Variants in SMTN observed in about 807,000 individuals in gnomAD.
The protein encoded by SMTN is smoothelin.
In SMTN, 58 loss-of-function variants were observed where a neutral mutation model predicts 102.0. The ratio of observed to expected loss-of-function variants is 0.57; its 90% CI spans 0.46 to 0.71. The LOEUF is 0.71. SMTN is among the 30% of genes least tolerant of loss of function. SMTN has a pLI of 0.00. For missense variants in SMTN, 1,185 were observed against 1,241.7 expected (o/e 0.95, Z 0.69); for synonymous variants, 478 against 497.9 (o/e 0.96, Z 0.53).
In SMTN at chr22:31,088,940, C is replaced by T. The variant is rs764986648; in HGVS notation, c.442C>T (p.Leu148=). The change falls in exon 6 of 21, where the codon CTA becomes TTA. Residue 148 remains leucine (L), a synonymous_variant. Coordinates refer to ENST00000333137, the MANE Select transcript of SMTN (RefSeq NM_134269.3). The part of the protein sequence containing the change: ...NSGSREDSKG[L]AAHRLEQCEV... ...TGGCTCAAGAGAGGACAGCAAGGGGCTAGCGGCACACAGGCTGGAACAGTG... is the reference window on the plus strand; with the variant it reads ...TGGCTCAAGAGAGGACAGCAAGGGGTTAGCGGCACACAGGCTGGAACAGTG... 1 of 1,613,810 alleles carries T rather than the reference C, an allele frequency of 6.2e-7. No homozygotes were observed. Among genetic ancestry groups the T allele is most frequent in the Non-Finnish European group, 8.5e-7 (1 of 1,180,014 alleles).
Position 31,088,585 on chromosome 22 carries a change from T to C in SMTN, c.273T>C (p.Asp91=), listed in dbSNP as rs148134343. The C allele has an allele frequency of 4.2e-5, 67 of 1,613,746 alleles. No individual in the cohort carries two copies. The African/African-American group carries it at 8.4e-4, about 20-fold the overall frequency. The change falls in exon 4 of 21, where the codon GAT becomes GAC. Residue 91 remains aspartate (D), a synonymous_variant. Coordinates refer to ENST00000333137, the MANE Select transcript of SMTN (RefSeq NM_134269.3). ...CAGGGCAGCTGGAGTCCATGAACGA[T>C]GTGGAGGAATTGACTGCACTGGTGA... The part of the protein sequence containing the change: ...RLAGQLESMN[D]VEELTALLRS...
Position 31,089,889 on chromosome 22 carries a change from C to T in SMTN, c.662C>T (p.Ala221Val). Residue 221 changes from alanine (A) to valine (V), a missense_variant, in exon 7 of 21, where the codon GCC becomes GTC. Ala to Val is a moderately conservative substitution (Grantham distance 64). This residue lies in a region of SMTN where 1,096 missense variants were observed against 1,112.7 expected (regional missense o/e 0.98). Transcript: ENST00000333137. ...PASPEPPLEP[A>V]EAQCLTAEVP... ...TCTCCTGAGCCTCCATTGGAGCCTG[C>T]CGAGGCCCAGTGCCTTACAGCTGAG... The T allele has an allele frequency of 6.2e-7, 1 of 1,613,616 alleles. No individual in the cohort carries two copies.
intron 3 of SMTN, 140 bp from the exon 4 acceptor site, chr22:31,088,373 C>A: frequency 1.2e-6 from 1 of 803,642 alleles, no homozygotes; most frequent in Non-Finnish European, 2.0e-6. Context: ...ATATGTGTAT[C>A]AGTGTGCAGT....
intron 20 of SMTN, chr22:31,103,019 G>C (rs902091587): frequency 1.4e-4 from 22 of 152,344 alleles, no homozygotes; most frequent in African/African-American, 5.1e-4. Flanking sequence ...CTAAAGAGGG[G>C]GAAACAGTCA....
Position 31,088,795 on chromosome 22 carries a change from G to A in SMTN, c.373+18G>A. ...GATTGAGGGTATGTGGCCTGTCCCG[G>A]CCCCACCCCTGCCCTGCTGTCTGCT... On this transcript the variant is annotated intron_variant, in intron 5 of 20. Coordinates refer to ENST00000333137, the MANE Select transcript of SMTN (RefSeq NM_134269.3). 1 of 1,611,412 alleles carries A rather than the reference G, an allele frequency of 6.2e-7. No homozygotes were observed. The highest frequency in any genetic ancestry group is 8.5e-7 in the Non-Finnish European group (1 of 1,178,612).
At chr22:31,084,905 G>A (rs2042562237) in intron 2 of SMTN, 4 of 1,269,838 alleles carry the variant, frequency 3.2e-6, no homozygotes, top group Admixed American at 8.1e-5. Context: ...TGGCCTCGTG[G>A]CAAGAACGGG....
chr22:31,098,945 G>T, intron 17 of SMTN, 105 bp downstream of exon 17: 1 of 1,549,700 alleles, frequency 6.5e-7, no homozygotes, highest in Admixed American at 1.7e-5. Context: ...CGCGCGGCTA[G>T]ATCTGTGGTG....
Position 31,096,775 on chromosome 22 carries a change from G to A in SMTN, c.1904G>A (p.Arg635Gln), listed in dbSNP as rs1017550016. 3.8e-6 allele frequency: 6 copies of A among 1,560,152 alleles called. No individual in the cohort carries two copies. Among genetic ancestry groups the A allele is most frequent in the East Asian group, 4.5e-5 (2 of 44,438 alleles). The change falls in exon 14 of 21, where the codon CGG becomes CAG. Residue 635 changes from arginine (R) to glutamine (Q), a missense_variant. Physicochemically the swap from Arg to Gln is conservative, Grantham distance 43 (BLOSUM62 1). This residue lies in a region of SMTN where 1,096 missense variants were observed against 1,112.7 expected (regional missense o/e 0.98). Transcript: ENST00000333137. ...KERERRLQEA[R>Q]GRPGEGRGNT... is the part of the protein sequence containing the mutation. ...CGGGAACGGCGGCTGCAGGAGGCACGGGGCCGGCCAGGGGAGGGGCGCGGC... is the reference window on the plus strand; with the variant it reads ...CGGGAACGGCGGCTGCAGGAGGCACAGGGCCGGCCAGGGGAGGGGCGCGGC...
rs776301678 is a variant in SMTN at position 31,098,858 on chromosome 22, G to A, written c.2333+18G>A. 12 of 1,590,166 alleles carry A rather than the reference G, an allele frequency of 7.5e-6. No individual in the cohort carries two copies. In the African/African-American group the frequency reaches 1.6e-4, roughly 21 times the overall value. ...GCGGCCGGGTGAGCTGCAGAAGTGG[G>A]CTGGGCAGTGGGGGGCGGGGCGTGA... On this transcript the variant is annotated intron_variant, in intron 17 of 20. Transcript: ENST00000333137.
chr22:31,102,375 G>A (rs769795618), intron 20 of SMTN: 1 of 152,214 alleles, frequency 6.6e-6, no homozygotes, highest in Non-Finnish European at 1.5e-5. Flanking sequence ...TTTGTAGAGA[G>A]GATTGAAAAT....
intron 1 of SMTN, chr22:31,065,584 A>T (rs1223463505): frequency 6.6e-6 from 1 of 152,030 alleles, no homozygotes; most frequent in Non-Finnish European, 1.5e-5. Context: ...TCCTGACCTC[A>T]GGTGATTCGC....
chr22:31,089,771 C>A lies in SMTN; in HGVS notation c.544C>A (p.Gln182Lys), dbSNP rs143000467. ...AACCCCCACCCCTGAAGGCACCAGC[C>A]AGGATGTGACCACAGTGACACTCCT... ...KPTPTPEGTSQDVTTVTLLLR... is the reference protein window; with the variant it reads ...KPTPTPEGTSKDVTTVTLLLR... Residue 182 changes from glutamine (Q) to lysine (K), a missense_variant, in exon 7 of 21, where the codon CAG becomes AAG. Transcript: ENST00000333137. The A allele has an allele frequency of 5.6e-5, 90 of 1,612,592 alleles. No individual in the cohort carries two copies. The highest frequency in any genetic ancestry group is 7.5e-5 in the Non-Finnish European group (89 of 1,179,974).
At chr22:31,085,268 C>CT in intron 2 of SMTN, 2 of 1,512,368 alleles carry the variant, frequency 1.3e-6, no homozygotes, top group Non-Finnish European at 1.8e-6. Context: ...CTGGCTACCC[C>CT]TTCGGCGCCT....
Position 31,095,493 on chromosome 22 carries a change from C to A in SMTN, c.1785+38C>A. 1 of 1,614,178 alleles carries A rather than the reference C, an allele frequency of 6.2e-7. No homozygotes were observed. The highest frequency in any genetic ancestry group is 8.5e-7 in the Non-Finnish European group (1 of 1,179,986). ...CCGGTGGGCTGGGGGTTGGCAGAGG[C>A]CAGCAGGCACCAGGTAGGCAATGAT... is the stretch of plus-strand genomic sequence containing the variant. On this transcript the variant is annotated intron_variant, in intron 12 of 20. Coordinates refer to ENST00000333137, the MANE Select transcript of SMTN (RefSeq NM_134269.3). The surrounding 1 kb of genome is among the most constrained non-coding windows in gnomAD (Gnocchi z 4.1).
In SMTN at chr22:31,096,857, T is replaced by C. The variant is rs781565083; in HGVS notation, c.1986T>C (p.Ala662=). Residue 662 remains alanine, a synonymous_variant, in exon 14 of 21, where the codon GCT becomes GCC. Transcript: ENST00000333137. ...RHSQRAADGS[A]VSTVTKTERL... ...GCCAGCGGGCAGCTGATGGCTCTGC[T>C]GTCAGCACTGTTACCAAGACTGAGC... 6.3e-7 allele frequency: 1 copy of C among 1,579,074 alleles called. No homozygotes were observed.
rs1456152336 is a variant in SMTN, at chr22:31,089,903, CT to C, written c.678del (p.Thr227GlnfsTer130). Reference protein sequence around the residue: ...PPLEPAEAQCLTAEVPGSPEP... With the variant: ...PPLEPAEAQCXTAEVPGSPEP... The stretch of plus-strand genomic sequence containing the variant: ...ATTGGAGCCTGCCGAGGCCCAGTGC[CT>C]TACAGCTGAGGTTCCAGGCAGCCCA... On this transcript the variant is annotated frameshift_variant, in exon 7 of 21. Transcript: ENST00000333137. LOFTEE classifies it high-confidence loss of function. The C allele has an allele frequency of 1.2e-6, 2 of 1,612,978 alleles. No individual in the cohort carries two copies. Among genetic ancestry groups the C allele is most frequent in the Non-Finnish European group, 1.7e-6 (2 of 1,179,516 alleles).
In SMTN at chr22:31,091,813, C is replaced by A. The variant is rs1453818235; in HGVS notation, c.1598C>A (p.Ala533Asp). ...SVTHVTSFSHAPPSSRGGCSI... is the reference protein window; with the variant it reads ...SVTHVTSFSHDPPSSRGGCSI... ...ACTCATGTCACCAGCTTCAGCCATG[C>A]CCCCCCCAGTAGCCGAGGAGGCTGC... is the stretch of plus-strand genomic sequence containing the variant. The change falls in exon 11 of 21, where the codon GCC becomes GAC. Residue 533 changes from alanine to aspartate, a missense_variant. Ala to Asp is a moderately radical substitution (Grantham distance 126). Around this residue, in one of 2 missense-constraint regions of SMTN, gnomAD observed 1,096 missense variants for 1,112.7 expected, o/e 0.98. Transcript: ENST00000333137. 3.1e-6 allele frequency: 5 copies of A among 1,590,586 alleles called. No homozygotes were observed. Among genetic ancestry groups the A allele is most frequent in the East Asian group, 2.3e-5 (1 of 43,746 alleles).
chr22:31,098,704 G>A lies in SMTN; in HGVS notation c.2197G>A (p.Gly733Ser), dbSNP rs774251635. Residue 733 changes from glycine to serine, a missense_variant, in exon 17 of 21, where the codon GGC becomes AGC. This residue lies in a region of SMTN where 1,096 missense variants were observed against 1,112.7 expected (regional missense o/e 0.98). Coordinates refer to ENST00000333137, the MANE Select transcript of SMTN (RefSeq NM_134269.3). ...CGAGGACCAGGCCAGCCCACGGGCC[G>A]GCAGCCTGGCGGCGCTCGAGAAACG... ...DREDQASPRA[G>S]SLAALEKRQA... 6.2e-7 allele frequency: 1 copy of A among 1,613,572 alleles called. No individual in the cohort carries two copies. Among genetic ancestry groups the A allele is most frequent in the Admixed American group, 1.7e-5 (1 of 60,004 alleles).
chr22:31,085,275 G>C (rs928836941), intron 2 of SMTN: 39 of 1,510,384 alleles, frequency 2.6e-5, no homozygotes, highest in Non-Finnish European at 3.4e-5. Context: ...CCCCTTCGGC[G>C]CCTAGCGCGA....
Sources: allele counts gnomAD v4.1 joint callset, GRCh38; gene constraint gnomAD v4.1.1; regional missense constraint gnomAD v4.1.1; non-coding constraint Gnocchi (gnomAD v3.1); transcripts MANE v1.5; gene names NCBI Gene and HGNC (gene_info 2026-07-23, HGNC 2026-07-21).